SLCO4C1: variants seen among roughly 807,000 people sequenced by gnomAD.
SLCO4C1 encodes the protein solute carrier organic anion transporter family member 4C1.
SLCO4C1 carries 58 observed loss-of-function variants against 72.1 expected under a neutral mutation model. The observed-to-expected ratio is 0.80, with a 90% CI of 0.65 to 1.00. SLCO4C1 has a LOEUF of 1.00. Among genes scored for constraint, SLCO4C1 ranks in the 50% least tolerant of loss-of-function variants. The probability of loss-of-function intolerance (pLI) is 0.00; values close to 1 mark genes in which losing one functional copy is unlikely to be tolerated. For synonymous variants in SLCO4C1, 297 were observed against 312.5 expected, an observed-to-expected ratio of 0.95 and a Z score of 0.52; for missense variants, 898 against 857.9, an observed-to-expected ratio of 1.05 and a Z score of -0.58.
intron 2 of SLCO4C1, among the ~76,000 whole-genome samples, chr5:102,287,552 T>C: frequency 1.4e-5 from 2 of 143,784 alleles, no homozygotes; most frequent in African/African-American, 2.6e-5. Context: ...TTTTTTTTTT[T>C]TTTTTGAGAT....
chr5:102,240,688 G>A (rs770866277), intron 11 of SLCO4C1, 30 bp downstream of exon 11: 27 of 1,579,882 alleles, frequency 1.7e-5, no homozygotes, highest in Non-Finnish European at 2.3e-5. Flanking sequence ...ATAGCCAACA[G>A]TTAGCAATGA....
In SLCO4C1 at chr5:102,236,268, C is replaced by T. The variant is rs1305642833; in HGVS notation, c.*590G>A. 1 of 152,184 alleles carries T rather than the reference C, an allele frequency of 6.6e-6. No homozygotes were observed. The highest frequency in any genetic ancestry group is 1.5e-5 in the Non-Finnish European group (1 of 68,120). The allele number at this position is 152,184 out of a possible 1,614,324, so 9.4% of individuals were successfully genotyped here. On this transcript the variant is annotated 3_prime_UTR_variant, in exon 13 of 13. Coordinates refer to ENST00000310954, the MANE Select transcript of SLCO4C1 (RefSeq NM_180991.5). Reference sequence around the variant, plus strand: ...CATATTCTAATAGTTCAATAATTTGCTTGGAGAAAGGCCAGGCTAGTATAC... The same window carrying T: ...CATATTCTAATAGTTCAATAATTTGTTTGGAGAAAGGCCAGGCTAGTATAC...
chr5:102,275,922 A>C (rs1749238852), intron 2 of SLCO4C1, among the ~76,000 whole-genome samples: 2 of 152,338 alleles, frequency 1.3e-5, no homozygotes, highest in African/African-American at 4.8e-5. Context: ...GAAACAAAAC[A>C]GTCCTAGGTC....
At chr5:102,264,949 A>G (rs112304611) in intron 3 of SLCO4C1, among the ~76,000 whole-genome samples, 43 of 152,174 alleles carry the variant, frequency 2.8e-4, no homozygotes, top group African/African-American at 9.6e-4. Context: ...GTTACTATGA[A>G]TGACAGGATT....
intron 1 of SLCO4C1, among the ~76,000 whole-genome samples, chr5:102,293,282 T>C (rs1379027310): frequency 6.6e-6 from 1 of 152,106 alleles, no homozygotes; most frequent in East Asian, 1.9e-4. Flanking sequence ...TCACTTGCCA[T>C]ACTGATTAAA....
chr5:102,270,254 G>A (rs1201953424), intron 3 of SLCO4C1, among the ~76,000 whole-genome samples: 2 of 152,046 alleles, frequency 1.3e-5, no homozygotes, highest in Non-Finnish European at 2.9e-5. Flanking sequence ...AATATAGGAT[G>A]TCATAAATCA....
At chr5:102,249,573 A>G in intron 9 of SLCO4C1, 65 bp downstream of exon 9, 1 of 1,559,824 alleles carries the variant, frequency 6.4e-7, no homozygotes, top group Middle Eastern at 1.7e-4. Context: ...TAACCCCATT[A>G]GAGAAGTCAA....
chr5:102,243,372 G>C (rs1186792750), intron 10 of SLCO4C1, among the ~76,000 whole-genome samples: 1 of 152,164 alleles, frequency 6.6e-6, no homozygotes, highest in Non-Finnish European at 1.5e-5. Context: ...CCATGGAGTA[G>C]TTACAAAAGA....
intron 1 of SLCO4C1, among the ~76,000 whole-genome samples, chr5:102,294,880 C>T (rs1168743298): frequency 1.3e-5 from 2 of 152,172 alleles, no homozygotes; most frequent in Non-Finnish European, 2.9e-5. Context: ...GAGCTGTTTC[C>T]AACCCTCTAA....
intron 3 of SLCO4C1, among the ~76,000 whole-genome samples, chr5:102,267,488 C>T (rs1349754293): frequency 2.0e-5 from 3 of 151,216 alleles, no homozygotes; most frequent in Non-Finnish European, 4.4e-5. Context: ...TTTCTGATTT[C>T]ACTTATTTAG....
At chr5:102,252,281 T>C (rs557102234) in intron 8 of SLCO4C1, among the ~76,000 whole-genome samples, 4 of 152,196 alleles carry the variant, frequency 2.6e-5, no homozygotes, top group South Asian at 2.1e-4. Context: ...AATGATGACA[T>C]ACAAAGTAGG....
intron 2 of SLCO4C1, among the ~76,000 whole-genome samples, chr5:102,278,033 G>A (rs923685710): frequency 5.9e-5 from 9 of 152,096 alleles, no homozygotes; most frequent in Admixed American, 4.6e-4. Context: ...TACATTACAT[G>A]TAAATGGTCT....
At chr5:102,289,306 A>G (rs968855095) in intron 2 of SLCO4C1, among the ~76,000 whole-genome samples, 2 of 152,220 alleles carry the variant, frequency 1.3e-5, no homozygotes, top group Non-Finnish European at 2.9e-5. Context: ...TCCTTTAGGA[A>G]AATAAGTTCT....
chr5:102,291,709 TA>T lies in SLCO4C1; in HGVS notation c.356-104del, dbSNP rs1278974260. The stretch of plus-strand genomic sequence containing the variant: ...TTGATTATTCATTTCTTTTTTTTCT[TA>T]AAATGTACCAGTTTTCAAAGCCTCA... On this transcript the variant is annotated intron_variant, in intron 1 of 12. Coordinates refer to ENST00000310954, the MANE Select transcript of SLCO4C1 (RefSeq NM_180991.5). 1.7e-4 allele frequency: 173 copies of T among 990,604 alleles called. 1 individual carries two copies. Among genetic ancestry groups the T allele is most frequent in the Middle Eastern group, 6.4e-4 (2 of 3,102 alleles). 61.4% of individuals were successfully genotyped at this position (990,604 alleles called of 1,614,324 possible). A position where few individuals can be genotyped will look rare whatever the true frequency, so the allele number is the denominator to read the frequency against.
At chr5:102,275,650 T>A (rs1470900992) in intron 2 of SLCO4C1, among the ~76,000 whole-genome samples, 1 of 152,176 alleles carries the variant, frequency 6.6e-6, no homozygotes, top group Admixed American at 6.5e-5. Context: ...GTATATCACG[T>A]GTCACAAGCA....
rs188909676 is a variant in SLCO4C1, at chr5:102,262,749, T to C, written c.900-716A>G. Among the ~76,000 whole-genome samples the C allele has an allele frequency of 2.5e-4, 38 of 152,294 alleles. 2 individuals are homozygous for C. The highest frequency in any genetic ancestry group is 8.9e-4 in the African/African-American group (37 of 41,562). On this transcript the variant is annotated intron_variant, in intron 4 of 12. Coordinates refer to ENST00000310954, the MANE Select transcript of SLCO4C1 (RefSeq NM_180991.5). Reference sequence around the variant, plus strand: ...ACTTTGGCCCTTTCCGAAAATACACTAATCCTACAACTCCTGTAATTTTCC... The same window carrying C: ...ACTTTGGCCCTTTCCGAAAATACACCAATCCTACAACTCCTGTAATTTTCC...
intron 3 of SLCO4C1, among the ~76,000 whole-genome samples, chr5:102,265,402 G>A (rs1749018485): frequency 6.6e-6 from 1 of 152,086 alleles, no homozygotes; most frequent in South Asian, 2.1e-4. Flanking sequence ...CTGGAACAAT[G>A]TACTAAAGTG....
chr5:102,253,856 G>A (rs1425192698), intron 8 of SLCO4C1, among the ~76,000 whole-genome samples: 6 of 151,462 alleles, frequency 4.0e-5, no homozygotes, highest in African/African-American at 1.5e-4. Context: ...TGGTACCTGG[G>A]TAACAGAATC....
At chr5:102,255,527 T>C (rs1039219785) in intron 8 of SLCO4C1, among the ~76,000 whole-genome samples, 4 of 152,192 alleles carry the variant, frequency 2.6e-5, no homozygotes, top group Admixed American at 6.5e-5. Context: ...TTCCAAAATA[T>C]ATTTCTACTA....
Sources: allele counts gnomAD v4.1 joint callset (sites outside exome capture counted in the v4.1 genomes callset), GRCh38; gene constraint gnomAD v4.1.1; transcripts MANE v1.5; gene names NCBI Gene and HGNC (gene_info 2026-07-23, HGNC 2026-07-21).